The following SMCO2 variants were observed in gnomAD, a reference collection of about 807,000 sequenced individuals.
SMCO2 encodes single-pass membrane protein with coiled-coil domains 2.
A neutral mutation model predicts 29.5 loss-of-function variants in SMCO2; 25 were observed. That is an observed-to-expected ratio of 0.85 (90% CI 0.62 to 1.18). The LOEUF (loss-of-function observed/expected upper bound fraction) is 1.18. Ranked by LOEUF, SMCO2 falls within the 50% of genes most tolerant of loss-of-function variation. The pLI is 0.00. For missense variants in SMCO2, 348 were observed against 344.5 expected, an observed-to-expected ratio of 1.01 and a Z score of -0.08; for synonymous variants, 117 against 123.3, an observed-to-expected ratio of 0.95 and a Z score of 0.34.
Position 27,470,659 on chromosome 12 carries a change from A to C in SMCO2, c.28A>C (p.Asn10His), listed in dbSNP as rs192829459. The change falls in exon 2 of 8, where the codon AAC becomes CAC. Residue 10 changes from asparagine to histidine, a missense_variant. Transcript: ENST00000298876. Reference sequence around the variant, plus strand: ...GGCTCTCACGCCCACAAACCTAAATAACAAAATGTCTCTGCAGATGAAGAT... The same window carrying C: ...GGCTCTCACGCCCACAAACCTAAATCACAAAATGTCTCTGCAGATGAAGAT... 8.4e-5 allele frequency: 131 copies of C among 1,551,146 alleles called. No homozygotes were observed. In the African/African-American group the frequency reaches 1.7e-3, roughly 20 times the overall value.
chr12:27,466,050 A>T (rs1355756300), upstream of SMCO2, among the ~76,000 whole-genome samples: 1 of 152,140 alleles, frequency 6.6e-6, no homozygotes, highest in Non-Finnish European at 1.5e-5. Context: ...GTGTTGTAAA[A>T]GTGTAATAAT....
At chr12:27,432,569 G>T in the SMCO2 span, among the ~76,000 whole-genome samples, 1 of 152,120 alleles carries the variant, frequency 6.6e-6, no homozygotes, top group Non-Finnish European at 1.5e-5. Context: ...TTAAAAGAGG[G>T]ATAGCATTTG....
chr12:27,466,437 GA>G (rs1949499265), upstream of SMCO2, among the ~76,000 whole-genome samples: 1 of 152,088 alleles, frequency 6.6e-6, no homozygotes, highest in South Asian at 2.1e-4. Context: ...ATAAAAAAAG[GA>G]AGATCAAATG....
the SMCO2 span, among the ~76,000 whole-genome samples, chr12:27,428,507 G>A: frequency 6.6e-6 from 1 of 151,596 alleles, no homozygotes; most frequent in Non-Finnish European, 1.5e-5. Context: ...GAGGAGGGGA[G>A]GCAAGGCAGA....
At chr12:27,447,849 G>A in the SMCO2 span, among the ~76,000 whole-genome samples, 9 of 152,034 alleles carry the variant, frequency 5.9e-5, no homozygotes, top group African/African-American at 1.9e-4. Context: ...AACTGTTTTC[G>A]GGCTTCTGTA....
At chr12:27,487,116 A>C (rs1182107097) in intron 4 of SMCO2, among the ~76,000 whole-genome samples, 1 of 152,230 alleles carries the variant, frequency 6.6e-6, no homozygotes, top group Non-Finnish European at 1.5e-5. Context: ...CTGTATGTGT[A>C]TAGTTCCATG....
chr12:27,498,839 A>G lies in SMCO2; in HGVS notation c.683+2984A>G, dbSNP rs189086619. 8.1e-4 allele frequency among the ~76,000 whole-genome samples: 122 copies of G among 150,096 alleles called. 10 individuals carry two copies. Among genetic ancestry groups the G allele is most frequent in the African/African-American group, 2.9e-3 (117 of 39,678 alleles). ...AGCACATGAAAAGATGTTCAGCATC[A>G]TTGGTCATTAAAAAAAACGTAAATC... On this transcript the variant is annotated intron_variant, in intron 7 of 7. Coordinates refer to ENST00000298876, the Ensembl canonical transcript of SMCO2.
At chr12:27,458,138 G>A in the SMCO2 span, among the ~76,000 whole-genome samples, 1 of 152,072 alleles carries the variant, frequency 6.6e-6, no homozygotes, top group African/African-American at 2.4e-5. Flanking sequence ...TAAAAACCTA[G>A]TTTTTAATCT....
At chr12:27,448,895 T>C in the SMCO2 span, among the ~76,000 whole-genome samples, 1 of 151,854 alleles carries the variant, frequency 6.6e-6, no homozygotes, top group Admixed American at 6.6e-5. Context: ...GACCAAATAA[T>C]GAGAGAAGAA....
chr12:27,494,709 A>C (rs1312134029), intron 6 of SMCO2, among the ~76,000 whole-genome samples: 1 of 151,650 alleles, frequency 6.6e-6, no homozygotes, highest in African/African-American at 2.4e-5. Flanking sequence ...CCTTGTGTCC[A>C]TGTGTTTTCA....
intron 2 of SMCO2, among the ~76,000 whole-genome samples, chr12:27,470,968 G>A (rs1186297997): frequency 3.8e-4 from 57 of 151,816 alleles, no homozygotes; most frequent in Admixed American, 3.7e-3. Context: ...TCATAAACTG[G>A]GCAGATACAG....
At chr12:27,444,636 C>T in the SMCO2 span, among the ~76,000 whole-genome samples, 60 of 152,182 alleles carry the variant, frequency 3.9e-4, 1 homozygote, top group African/African-American at 1.2e-3. Flanking sequence ...ACAATGTGAT[C>T]GTATCTGTCA....
At chr12:27,467,544 C>T (rs1353856937) in intron 1 of SMCO2, among the ~76,000 whole-genome samples, 1 of 151,474 alleles carries the variant, frequency 6.6e-6, no homozygotes, top group East Asian at 1.9e-4. Flanking sequence ...GGCCTGCAGA[C>T]CACACTTTGA....
chr12:27,432,079 TG>T, the SMCO2 span, among the ~76,000 whole-genome samples: 8,216 of 152,332 alleles, frequency 0.054, 295 homozygotes, highest in Non-Finnish European at 0.083. Flanking sequence ...GTATATCTTC[TG>T]TCCTCTGCGC....
intron 5 of SMCO2, among the ~76,000 whole-genome samples, chr12:27,492,206 C>T (rs1320551661): frequency 2.0e-5 from 3 of 151,996 alleles, no homozygotes; most frequent in African/African-American, 7.3e-5. Context: ...TGGCACTTAG[C>T]GTATTTTCTT....
chr12:27,438,695 A>G, the SMCO2 span, among the ~76,000 whole-genome samples: 1 of 152,176 alleles, frequency 6.6e-6, no homozygotes, highest in Non-Finnish European at 1.5e-5. Flanking sequence ...CAGTTTAGCA[A>G]ATACAGGAGA....
the SMCO2 span, chr12:27,424,106 CTT>C: frequency 2.0e-5 from 3 of 152,036 alleles, no homozygotes; most frequent in Non-Finnish European, 4.4e-5. Context: ...TATCTTTTTA[CTT>C]TTTTAATGTG....
upstream of SMCO2, among the ~76,000 whole-genome samples, chr12:27,465,615 T>A (rs1949492887): frequency 6.6e-6 from 1 of 152,228 alleles, no homozygotes; most frequent in African/African-American, 2.4e-5. Flanking sequence ...GCCTACCATG[T>A]ATGCATTCAT....
intron 1 of SMCO2, among the ~76,000 whole-genome samples, chr12:27,467,326 C>T (rs1949506023): frequency 6.6e-6 from 1 of 152,064 alleles, no homozygotes; most frequent in East Asian, 1.9e-4. Context: ...GGGGTAAGCA[C>T]ACAAGAATGA....
Sources: allele counts gnomAD v4.1 joint callset (sites outside exome capture counted in the v4.1 genomes callset), GRCh38; gene constraint gnomAD v4.1.1; transcripts MANE v1.5; gene names NCBI Gene and HGNC (gene_info 2026-07-23, HGNC 2026-07-21).